CACNA2D2: variants seen among roughly 807,000 people sequenced by gnomAD.
The protein encoded by CACNA2D2 is voltage-dependent calcium channel subunit alpha-2/delta-2.
A neutral mutation model predicts 166.4 loss-of-function variants in CACNA2D2; 48 were observed. The ratio of observed to expected loss-of-function variants is 0.29; its 90% CI spans 0.23 to 0.37. The LOEUF is 0.37. CACNA2D2 is among the 10% of genes least tolerant of loss of function. The probability of loss-of-function intolerance (pLI) is 1.00; values close to 1 mark genes in which losing one functional copy is unlikely to be tolerated. For missense variants in CACNA2D2, 1,122 were observed against 1,433.0 expected (o/e 0.78, Z 3.50); for synonymous variants, 561 against 573.7 (o/e 0.98, Z 0.32).
chr3:50,377,877 T>A (rs1171248658), intron 15 of CACNA2D2, 74 bp from the exon 16 acceptor site: 1 of 1,495,830 alleles, frequency 6.7e-7, no homozygotes, highest in African/African-American at 1.4e-5. Context: ...GAGCAGGGAC[T>A]GAGGTGCAGG....
chr3:50,379,774 C>T lies in CACNA2D2; in HGVS notation c.944G>A (p.Cys315Tyr). 1 of 1,613,980 alleles carries T rather than the reference C, an allele frequency of 6.2e-7. No homozygotes were observed. Among genetic ancestry groups the T allele is most frequent in the South Asian group, 1.1e-5 (1 of 91,082 alleles). The change falls in exon 10 of 38, where the codon TGC becomes TAC. Residue 315 changes from cysteine to tyrosine, a missense_variant. Coordinates refer to ENST00000424201, the MANE Select transcript of CACNA2D2 (RefSeq NM_006030.4). The surrounding 1 kb of genome is among the most constrained non-coding windows in gnomAD (Gnocchi z 6.5). Reference sequence around the variant, plus strand: ...ATCAGACAGCGTGTCCAGCATCTCGCAGACAGATGTCTTCATCAGCTTCAG... The same window carrying T: ...ATCAGACAGCGTGTCCAGCATCTCGTAGACAGATGTCTTCATCAGCTTCAG... The part of the protein sequence containing the change: ...LTLKLMKTSV[C>Y]EMLDTLSDDD...
intron 23 of CACNA2D2, among the ~76,000 whole-genome samples, chr3:50,368,903 G>A (rs1704499962): frequency 6.6e-6 from 1 of 152,216 alleles, no homozygotes; most frequent in South Asian, 2.1e-4. Flanking sequence ...GAAGTCTTGG[G>A]AGCAATCCCT....
chr3:50,441,575 G>A (rs1575691386), intron 2 of CACNA2D2, among the ~76,000 whole-genome samples: 1 of 152,304 alleles, frequency 6.6e-6, no homozygotes, highest in Middle Eastern at 3.4e-3. Context: ...GCCTGCCTGT[G>A]AGGCCTGCCC....
intron 1 of CACNA2D2, among the ~76,000 whole-genome samples, chr3:50,476,933 T>TC (rs1223881844): frequency 6.7e-6 from 1 of 148,736 alleles, no homozygotes; most frequent in Admixed American, 6.6e-5. Context: ...CTTTTTCTTT[T>TC]TTTTTTTTTT....
rs201894768 is a variant in CACNA2D2 at position 50,366,832 on chromosome 3, T to C, written c.2588A>G (p.Lys863Arg). 6.2e-7 allele frequency: 1 copy of C among 1,613,392 alleles called. No homozygotes were observed. Among genetic ancestry groups the C allele is most frequent in the African/African-American group, 1.3e-5 (1 of 75,018 alleles). Residue 863 changes from lysine to arginine, a missense_variant and splice_region_variant, in exon 29 of 38, where the codon AAG (lysine) becomes AGG (arginine). By Grantham distance (26) the Lys-to-Arg change is conservative (BLOSUM62 2). Coordinates refer to ENST00000424201, the MANE Select transcript of CACNA2D2 (RefSeq NM_006030.4). The surrounding 1 kb of genome is among the most constrained non-coding windows in gnomAD (Gnocchi z 5.9). ...SNRTHQDQPQKCGPNSHCEMD... is the reference protein window; with the variant it reads ...SNRTHQDQPQRCGPNSHCEMD... The stretch of plus-strand genomic sequence containing the variant: ...CTGCCCCCGCCCCTGCCCAAATACC[T>C]TCTGAGGCTGGTCTTGGTGGGTACG...
chr3:50,438,477 C>G (rs1254843053), intron 2 of CACNA2D2, among the ~76,000 whole-genome samples: 1 of 152,212 alleles, frequency 6.6e-6, no homozygotes, highest in South Asian at 2.1e-4. Context: ...CTCTGCCCAG[C>G]CTCCTGCTTC....
Position 50,364,890 on chromosome 3 carries a change from T to C in CACNA2D2, c.3289A>G (p.Thr1097Ala), listed in dbSNP as rs1432593081. The C allele has an allele frequency of 3.1e-6, 5 of 1,613,258 alleles. No homozygotes were observed. Among genetic ancestry groups the C allele is most frequent in the Non-Finnish European group, 4.2e-6 (5 of 1,179,910 alleles). ...GPHICFDYNA[T>A]EDTSDCGRGA... ...GGTCCACCGCCCCCTCTCCTCACTG[T>C]CGCGTTGTAGTCGAAGCAGATGTGC... is the stretch of plus-strand genomic sequence containing the variant. Residue 1097 changes from threonine (T) to alanine (A), a missense_variant and splice_region_variant, in exon 37 of 38, where the codon ACA becomes GCA. Physicochemically the swap from Thr to Ala is moderately conservative, Grantham distance 58 (BLOSUM62 0). Around this residue, in one of 2 missense-constraint regions of CACNA2D2, gnomAD observed 282 missense variants for 266.2 expected, o/e 1.06. Transcript: ENST00000424201.
chr3:50,373,578 CA>C (rs1345836476), intron 22 of CACNA2D2, among the ~76,000 whole-genome samples: 1 of 79,876 alleles, frequency 1.3e-5, no homozygotes, highest in Non-Finnish European at 2.4e-5. Flanking sequence ...AGGAGGGAGC[CA>C]GGGGGCAGAG....
At chr3:50,443,219 T>C (rs1016744110) in intron 2 of CACNA2D2, among the ~76,000 whole-genome samples, 5 of 152,190 alleles carry the variant, frequency 3.3e-5, no homozygotes, top group Admixed American at 6.5e-5. Context: ...CCCATGTTTA[T>C]GGGAAGCAGA....
At chr3:50,426,094 A>G (rs1443908769) in intron 3 of CACNA2D2, among the ~76,000 whole-genome samples, 1 of 151,808 alleles carries the variant, frequency 6.6e-6, no homozygotes, top group Non-Finnish European at 1.5e-5. Context: ...CTTCCTCCCA[A>G]TCCCTGGGAG....
intron 1 of CACNA2D2, among the ~76,000 whole-genome samples, chr3:50,494,209 T>C (rs1016469281): frequency 6.6e-6 from 1 of 152,092 alleles, no homozygotes; most frequent in African/African-American, 2.4e-5. Context: ...CACAGAGGCC[T>C]GCTCTGCCAG....
chr3:50,387,625 G>C lies in CACNA2D2; in HGVS notation c.466-13C>G, dbSNP rs1559900142. 6.2e-7 allele frequency: 1 copy of C among 1,609,438 alleles called. No homozygotes were observed. Among genetic ancestry groups the C allele is most frequent in the Non-Finnish European group, 8.5e-7 (1 of 1,176,540 alleles). ...CGATGTCTTCCTCCTGGTGAGGGGAGAGAGGCCTCAGCACTAGCTGCTCAG... is the reference window on the plus strand; with the variant it reads ...CGATGTCTTCCTCCTGGTGAGGGGACAGAGGCCTCAGCACTAGCTGCTCAG... On this transcript the variant is annotated splice_polypyrimidine_tract_variant and intron_variant, in intron 4 of 37. Transcript: ENST00000424201.
chr3:50,460,911 G>GA (rs1709559983), intron 2 of CACNA2D2, among the ~76,000 whole-genome samples: 1 of 152,014 alleles, frequency 6.6e-6, no homozygotes, highest in Non-Finnish European at 1.5e-5. Context: ...AAATGCAATG[G>GA]TTAAATGTAA....
Position 50,367,481 on chromosome 3 carries a change from T to A in CACNA2D2, c.2314A>T (p.Thr772Ser), listed in dbSNP as rs1172812807. The change falls in exon 27 of 38, where the codon ACA (threonine) becomes TCA (serine). Residue 772 changes from threonine (T) to serine (S), a missense_variant. Thr to Ser is a moderately conservative substitution (Grantham distance 58). Transcript: ENST00000424201. The surrounding 1 kb of genome is among the most constrained non-coding windows in gnomAD (Gnocchi z 6.5). ...VFPNKAAEDW[T>S]ENPEPFNASF... ...GCATTGAAGGGCTCAGGGTTCTCTG[T>A]CCAGTCCTCAGCTGCCCTGGAGCAC... is the stretch of plus-strand genomic sequence containing the variant. 6.2e-7 allele frequency: 1 copy of A among 1,613,906 alleles called. No individual in the cohort carries two copies.
chr3:50,446,107 T>C (rs1204188591), intron 2 of CACNA2D2, among the ~76,000 whole-genome samples: 2 of 152,232 alleles, frequency 1.3e-5, no homozygotes, highest in East Asian at 3.8e-4. Flanking sequence ...GCCCTTAGCC[T>C]GAACAGCCAT....
At chr3:50,403,823 C>T (rs1214636479) in intron 3 of CACNA2D2, among the ~76,000 whole-genome samples, 1 of 152,224 alleles carries the variant, frequency 6.6e-6, no homozygotes, top group Admixed American at 6.5e-5. Context: ...CCTCCCCTGG[C>T]TAGCTCCTCC....
At chr3:50,413,569 G>A (rs1166660499) in intron 3 of CACNA2D2, among the ~76,000 whole-genome samples, 1 of 152,126 alleles carries the variant, frequency 6.6e-6, no homozygotes, top group Non-Finnish European at 1.5e-5. Flanking sequence ...TAGGCTGGCT[G>A]AGCATGGTGG....
chr3:50,445,836 A>C (rs1708820075), intron 2 of CACNA2D2, among the ~76,000 whole-genome samples: 2 of 152,188 alleles, frequency 1.3e-5, no homozygotes, highest in Admixed American at 1.3e-4. Context: ...AGCTGGGGTC[A>C]GTGATCTCTG....
Position 50,365,257 on chromosome 3 carries a change from C to A in CACNA2D2, c.3099-73G>T. 6.4e-7 allele frequency: 1 copy of A among 1,571,668 alleles called. No homozygotes were observed. The highest frequency in any genetic ancestry group is 1.1e-5 in the South Asian group (1 of 87,684). The stretch of plus-strand genomic sequence containing the variant: ...CCCACCCCCATCCTGCGGCCCCGCC[C>A]CCGGCCGCTCGGAGGCCCCGCCCCT... On this transcript the variant is annotated intron_variant, in intron 35 of 37. Transcript: ENST00000424201. This position sits in a 1 kb window ranked among gnomAD's most constrained non-coding sequence, Gnocchi z 4.5.
Sources: allele counts gnomAD v4.1 joint callset (sites outside exome capture counted in the v4.1 genomes callset), GRCh38; gene constraint gnomAD v4.1.1; regional missense constraint gnomAD v4.1.1; non-coding constraint Gnocchi (gnomAD v3.1); transcripts MANE v1.5; gene names NCBI Gene and HGNC (gene_info 2026-07-23, HGNC 2026-07-21).